PDE6A: variants seen among roughly 807,000 people sequenced by gnomAD.
PDE6A encodes the protein rod cGMP-specific 3',5'-cyclic phosphodiesterase subunit alpha.
In PDE6A, 84 loss-of-function variants were observed where a neutral mutation model predicts 106.3. The ratio of observed to expected loss-of-function variants is 0.79; its 90% confidence interval spans 0.66 to 0.95. The LOEUF (loss-of-function observed/expected upper bound fraction) is 0.95, where lower values mean the gene tolerates loss of function less well. Ranked by LOEUF, PDE6A falls within the 40% of genes least tolerant of loss-of-function variation. PDE6A has a pLI of 0.00. For missense variants in PDE6A, 1,052 were observed against 1,084.9 expected, an observed-to-expected ratio of 0.97 and a Z score of 0.43; for synonymous variants, 394 against 386.6, an observed-to-expected ratio of 1.02 and a Z score of -0.23.
At chr5:149,941,734 G>A (rs1020925486) in intron 1 of PDE6A, among the ~76,000 whole-genome samples, 11 of 152,182 alleles carry the variant, frequency 7.2e-5, no homozygotes, top group Non-Finnish European at 1.3e-4. Flanking sequence ...TGTCAGCACC[G>A]TGGAAAACAA....
chr5:149,886,181 G>T, intron 14 of PDE6A, 84 bp downstream of exon 14: 2 of 1,010,940 alleles, frequency 2.0e-6, no homozygotes, highest in South Asian at 1.3e-5. Context: ...AGACTTCCCT[G>T]TTGGCCAGTG....
intron 8 of PDE6A, among the ~76,000 whole-genome samples, chr5:149,902,688 G>A (rs978246937): frequency 1.3e-5 from 2 of 151,756 alleles, no homozygotes; most frequent in African/African-American, 4.8e-5. Context: ...CGGGCGTAGT[G>A]GCGGGCGCCT....
chr5:149,899,461 T>C lies in PDE6A; in HGVS notation c.1177A>G (p.Lys393Glu), dbSNP rs1752885372. Residue 393 changes from lysine to glutamate, a missense_variant, in exon 9 of 22, where the codon AAG becomes GAG. Transcript: ENST00000255266. Reference protein sequence around the residue: ...KNVLSMPIVNKKEEIVGVATF... With the variant: ...KNVLSMPIVNEKEEIVGVATF... Reference sequence around the variant, plus strand: ...GCCACTCCAACAATTTCTTCCTTCTTGTTCACAATCGGCATTGAAAGCACA... The same window carrying C: ...GCCACTCCAACAATTTCTTCCTTCTCGTTCACAATCGGCATTGAAAGCACA... 1.2e-5 allele frequency: 20 copies of C among 1,614,182 alleles called. No individual in the cohort carries two copies. Among genetic ancestry groups the C allele is most frequent in the Non-Finnish European group, 1.4e-5 (16 of 1,179,994 alleles).
intron 4 of PDE6A, among the ~76,000 whole-genome samples, chr5:149,922,931 A>C (rs1316376221): frequency 1.3e-5 from 2 of 152,244 alleles, no homozygotes; most frequent in Admixed American, 6.5e-5. Context: ...GTAGGCAAAC[A>C]AACCAAAACC....
intron 1 of PDE6A, among the ~76,000 whole-genome samples, chr5:149,939,346 C>A (rs1248458605): frequency 6.6e-6 from 1 of 152,168 alleles, no homozygotes; most frequent in Non-Finnish European, 1.5e-5. Flanking sequence ...CAGAAAAACA[C>A]CCTGAATCCT....
rs1760106739 is a variant in PDE6A at position 149,860,793 on chromosome 5, CTA to C, written c.*100_*101del. On this transcript the variant is annotated 3_prime_UTR_variant, in exon 22 of 22. Transcript: ENST00000255266. ...TAAATTCTCTAACAGCTTTCAAATC[CTA>C]TGACTCTTCTACTTCTCAAGGTGTG... 1 of 981,816 alleles carries C rather than the reference CTA, an allele frequency of 1.0e-6. No homozygotes were observed. Among genetic ancestry groups the C allele is most frequent in the Admixed American group, 1.9e-5 (1 of 52,654 alleles). 60.8% of individuals were successfully genotyped at this position (981,816 alleles called of 1,614,324 possible).
intron 16 of PDE6A, 133 bp downstream of exon 16, chr5:149,884,345 TG>T: frequency 1.5e-6 from 1 of 649,638 alleles, no homozygotes; most frequent in South Asian, 1.8e-5. Flanking sequence ...TATATATATG[TG>T]TGTATATATG....
At chr5:149,913,868 G>A (rs146638133) in intron 6 of PDE6A, among the ~76,000 whole-genome samples, 12 of 152,292 alleles carry the variant, frequency 7.9e-5, no homozygotes, top group Middle Eastern at 3.4e-3. Context: ...GTTTGCAACC[G>A]TTCAAATCTT....
At chr5:149,903,514 G>A in intron 8 of PDE6A, 134 bp downstream of exon 8, 1 of 746,008 alleles carries the variant, frequency 1.3e-6, no homozygotes. Flanking sequence ...ATTGGTACAG[G>A]AATTTTATCC....
chr5:149,918,139 G>A (rs548177947), intron 5 of PDE6A, among the ~76,000 whole-genome samples: 108 of 152,326 alleles, frequency 7.1e-4, no homozygotes, highest in Middle Eastern at 6.8e-3. Flanking sequence ...TGACCCACAT[G>A]TGGTGATGGA....
intron 4 of PDE6A, among the ~76,000 whole-genome samples, chr5:149,924,322 C>T (rs939395205): frequency 2.0e-5 from 3 of 151,966 alleles, no homozygotes; most frequent in Non-Finnish European, 4.4e-5. Context: ...CACTGAGTGG[C>T]TCCAAAGATT....
rs1353543226 is a variant in PDE6A at position 149,863,017 on chromosome 5, G to A, written c.2506+102C>T. 4.3e-6 allele frequency: 6 copies of A among 1,396,456 alleles called. No homozygotes were observed. The highest frequency in any genetic ancestry group is 2.3e-5 in the East Asian group (1 of 43,750). 86.5% of individuals were successfully genotyped at this position (1,396,456 alleles called of 1,614,324 possible). On this transcript the variant is annotated intron_variant, in intron 21 of 21. Transcript: ENST00000255266. The surrounding 1 kb of genome is among the most constrained non-coding windows in gnomAD (Gnocchi z 4.7). ...ATGGGGACAGTATTGGCCATCAGGA[G>A]GCCTGAATGAGACTCCGTGTAAGAG... is the stretch of plus-strand genomic sequence containing the variant.
intron 12 of PDE6A, among the ~76,000 whole-genome samples, chr5:149,895,634 GAA>G (rs56836177): frequency 2.0e-5 from 3 of 146,438 alleles, no homozygotes; most frequent in African/African-American, 7.4e-5. Context: ...GCTCTACAGG[GAA>G]AAAAAAAACA....
In PDE6A at chr5:149,863,064, A is replaced by G. The variant is rs1047180213; in HGVS notation, c.2506+55T>C. 1.2e-6 allele frequency: 2 copies of G among 1,607,472 alleles called. No homozygotes were observed. Among genetic ancestry groups the G allele is most frequent in the Non-Finnish European group, 1.7e-6 (2 of 1,173,934 alleles). Reference sequence around the variant, plus strand: ...AGAGTCTCTGAGGCAGGACGCAGACACTGAGTGCTCAGGGAGTGGGGTGGT... The same window carrying G: ...AGAGTCTCTGAGGCAGGACGCAGACGCTGAGTGCTCAGGGAGTGGGGTGGT... On this transcript the variant is annotated intron_variant, in intron 21 of 21. Coordinates refer to ENST00000255266, the MANE Select transcript of PDE6A (RefSeq NM_000440.3). The surrounding 1 kb of genome is among the most constrained non-coding windows in gnomAD (Gnocchi z 4.7).
intron 4 of PDE6A, among the ~76,000 whole-genome samples, chr5:149,927,761 T>C (rs150005539): frequency 1.8e-3 from 267 of 152,164 alleles, no homozygotes; most frequent in African/African-American, 6.2e-3. Flanking sequence ...TTTATGTCTT[T>C]GGTGCTTGAA....
At chr5:149,899,921 C>A (rs1393723653) in intron 8 of PDE6A, among the ~76,000 whole-genome samples, 4 of 152,130 alleles carry the variant, frequency 2.6e-5, no homozygotes, top group Non-Finnish European at 5.9e-5. Flanking sequence ...ATATAACCTG[C>A]ACATTTTGCC....
Position 149,863,225 on chromosome 5 carries a change from G to A in PDE6A, c.2400C>T (p.Asp800=), listed in dbSNP as rs4705390. ...ACTCCTTGCGATTGTTGGTGATCCC[G>A]TCCAACATTGGGGTGATCTCCTCGT... ...RFHEEITPML[D]GITNNRKEWK... Residue 800 remains aspartate (D), a synonymous_variant, in exon 21 of 22, where the codon GAC becomes GAT. Transcript: ENST00000255266. This position sits in a 1 kb window ranked among gnomAD's most constrained non-coding sequence, Gnocchi z 4.7. 64,370 of 1,613,876 alleles carry A rather than the reference G, an allele frequency of 0.04. 1,655 individuals carry two copies. Among genetic ancestry groups the A allele is most frequent in the Admixed American group, 0.1 (6,177 of 60,010 alleles).
chr5:149,914,527 A>C (rs1424256846), intron 6 of PDE6A, among the ~76,000 whole-genome samples: 5 of 152,166 alleles, frequency 3.3e-5, no homozygotes, highest in Non-Finnish European at 7.4e-5. Flanking sequence ...CACTTCACCA[A>C]ATCTAAACTA....
rs765008436 is a variant in PDE6A at position 149,944,389 on chromosome 5, G to A, written c.285C>T (p.Ser95=). 3.3e-5 allele frequency: 53 copies of A among 1,614,004 alleles called. No individual in the cohort carries two copies. Among genetic ancestry groups the A allele is most frequent in the African/African-American group, 4.0e-5 (3 of 74,900 alleles). The change falls in exon 1 of 22, where the codon AGC becomes AGT. Residue 95 remains serine (S), a synonymous_variant. Transcript: ENST00000255266. ...CATTGCGGGTCCGGTACATGAACAG[G>A]CTCATGCGGTCTGCCTGCAGGAGGA... ...LCFLLQADRM[S]LFMYRTRNGI...
Sources: gnomAD v4.1 joint callset for allele counts (sites outside exome capture counted in the v4.1 genomes callset) on GRCh38, gnomAD v4.1.1 for gene constraint, Gnocchi (gnomAD v3.1) non-coding constraint, MANE v1.5 for transcripts, NCBI Gene and HGNC (gene_info 2026-07-23, HGNC 2026-07-21) for gene names.